The following CCDC88A variants were observed in gnomAD, a reference collection of about 807,000 sequenced individuals.
CCDC88A encodes girdin.
In CCDC88A, 54 loss-of-function variants were observed where a neutral mutation model predicts 234.3. The observed-to-expected ratio is 0.23, with a 90% CI of 0.19 to 0.29. CCDC88A has a LOEUF of 0.29. CCDC88A is among the 10% of genes least tolerant of loss of function. The pLI is 1.00. For missense variants in CCDC88A, 1,832 were observed against 2,123.4 expected (o/e 0.86, Z 2.70); for synonymous variants, 753 against 737.8 (o/e 1.02, Z -0.33).
Position 55,372,447 on chromosome 2 carries a change from C to A in CCDC88A, c.402+5G>T. On this transcript the variant is annotated splice_donor_5th_base_variant and intron_variant, in intron 5 of 32. Transcript: ENST00000436346. ...ATGAAAATATGAAAAAATATTTTAA[C>A]TTACCTGAACTGCACAACCCAATAA... 7.0e-7 allele frequency: 1 copy of A among 1,419,328 alleles called. No individual in the cohort carries two copies. The highest frequency in any genetic ancestry group is 1.3e-5 in the South Asian group (1 of 77,258). The allele number at this position is 1,419,328 out of a possible 1,614,324, so 87.9% of individuals were successfully genotyped here.
chr2:55,373,574 T>C (rs1166552040), intron 4 of CCDC88A, among the ~76,000 whole-genome samples: 1 of 152,220 alleles, frequency 6.6e-6, no homozygotes, highest in Non-Finnish European at 1.5e-5. Flanking sequence ...ATAATCTGTG[T>C]ATCCTTCACC....
chr2:55,394,722 T>C lies in CCDC88A; in HGVS notation c.165-5836A>G, dbSNP rs1677224404. On this transcript the variant is annotated intron_variant, in intron 2 of 32. Coordinates refer to ENST00000436346, the MANE Select transcript of CCDC88A (RefSeq NM_001365480.1). ...TACCTAATGCTAAATGATGAGTTAA[T>C]GGGTGCAGCACACCAACATGGCACA... 2.0e-5 allele frequency: 3 copies of C among 148,610 alleles called. No homozygotes were observed. In the East Asian group the frequency reaches 6.1e-4, roughly 30 times the overall value. 9.2% of individuals were successfully genotyped at this position (148,610 alleles called of 1,614,324 possible).
chr2:55,300,185 G>C, intron 28 of CCDC88A: 1 of 370,142 alleles, frequency 2.7e-6, no homozygotes. Context: ...TATGCCAGGA[G>C]TGTTTTAGTT....
intron 8 of CCDC88A, among the ~76,000 whole-genome samples, chr2:55,352,404 G>A (rs1258470851): frequency 6.7e-6 from 1 of 149,584 alleles, no homozygotes; most frequent in Non-Finnish European, 1.5e-5. Context: ...TCCAGCCTGG[G>A]CAACAGAGTG....
chr2:55,409,269 T>C (rs1264541209), intron 2 of CCDC88A, among the ~76,000 whole-genome samples: 2 of 152,226 alleles, frequency 1.3e-5, no homozygotes, highest in African/African-American at 4.8e-5. Context: ...CATGCTATTT[T>C]CTTTGCTTAA....
intron 2 of CCDC88A, among the ~76,000 whole-genome samples, chr2:55,389,640 T>A (rs1421244134): frequency 6.6e-6 from 1 of 152,226 alleles, no homozygotes; most frequent in Non-Finnish European, 1.5e-5. Context: ...TTTATTTCCA[T>A]AATTCTCAAA....
intron 4 of CCDC88A, among the ~76,000 whole-genome samples, chr2:55,373,722 T>C (rs1673185924): frequency 6.6e-6 from 1 of 151,298 alleles, no homozygotes; most frequent in African/African-American, 2.5e-5. Context: ...TAAATTTATA[T>C]AATCAAACAT....
At chr2:55,306,395 A>C (rs1018325621) in intron 25 of CCDC88A, among the ~76,000 whole-genome samples, 1 of 152,072 alleles carries the variant, frequency 6.6e-6, no homozygotes, top group African/African-American at 2.4e-5. Context: ...GGTAACAATA[A>C]TTTTATGTGG....
intron 29 of CCDC88A, 95 bp from the exon 30 acceptor site, chr2:55,296,618 G>T: frequency 1.7e-6 from 2 of 1,179,110 alleles, no homozygotes; most frequent in Non-Finnish European, 2.4e-6. Context: ...CTAATTATAT[G>T]AACAGCCAAA....
Position 55,408,959 on chromosome 2 carries a change from T to C in CCDC88A, c.164+9857A>G, listed in dbSNP as rs570818509. ...AGCTAAGAATCTGTAGTATGTTTTTTCTCTCATCCCACGTCTGTTTATTCA... is the reference window on the plus strand; with the variant it reads ...AGCTAAGAATCTGTAGTATGTTTTTCCTCTCATCCCACGTCTGTTTATTCA... On this transcript the variant is annotated intron_variant, in intron 2 of 32. Coordinates refer to ENST00000436346, the MANE Select transcript of CCDC88A (RefSeq NM_001365480.1). 3.3e-5 allele frequency among the ~76,000 whole-genome samples: 5 copies of C among 151,652 alleles called. No individual in the cohort carries two copies. The South Asian group carries it at 1.0e-3, about 31-fold the overall frequency.
intron 2 of CCDC88A, among the ~76,000 whole-genome samples, chr2:55,406,345 T>G (rs1679570681): frequency 6.6e-6 from 1 of 152,182 alleles, no homozygotes; most frequent in Non-Finnish European, 1.5e-5. Flanking sequence ...GGGATATTAC[T>G]ATAATTCACC....
At chr2:55,377,841 C>T (rs918403099) in intron 3 of CCDC88A, among the ~76,000 whole-genome samples, 4 of 151,540 alleles carry the variant, frequency 2.6e-5, no homozygotes, top group South Asian at 2.1e-4. Context: ...CTCCTGACAT[C>T]GTGATCCGCC....
In CCDC88A at chr2:55,290,452, A is replaced by T. The variant is rs751784431; in HGVS notation, c.*748T>A. 3 of 152,102 alleles carry T rather than the reference A, an allele frequency of 2.0e-5. No homozygotes were observed. The highest frequency in any genetic ancestry group is 2.9e-5 in the Non-Finnish European group (2 of 67,950). The allele number at this position is 152,102 out of a possible 1,614,324, so 9.4% of individuals were successfully genotyped here. On this transcript the variant is annotated 3_prime_UTR_variant, in exon 33 of 33. Transcript: ENST00000436346. ...CTGAAAAACCATCTTACTAAAAAAA[A>T]GTTTCAGAAAAACACTCTTTACCAT...
At chr2:55,295,148 T>G in intron 31 of CCDC88A, 1 of 1,306,844 alleles carries the variant, frequency 7.7e-7, no homozygotes, top group Non-Finnish European at 1.0e-6. Flanking sequence ...GATAGAGGCA[T>G]GCAGAAGTGA....
chr2:55,384,591 A>ATATATACG (rs1558788481), intron 3 of CCDC88A, among the ~76,000 whole-genome samples: 6 of 2,390 alleles, frequency 2.5e-3, no homozygotes, highest in African/African-American at 4.9e-3. Context: ...GTATATATAC[A>ATATATACG]CATATATACG....
intron 27 of CCDC88A, 109 bp downstream of exon 27, chr2:55,301,763 T>C (rs1221923733): frequency 4.6e-6 from 4 of 878,186 alleles, no homozygotes; most frequent in Non-Finnish European, 7.4e-6. Flanking sequence ...GATCATGTTT[T>C]GATAATTATT....
intron 5 of CCDC88A, among the ~76,000 whole-genome samples, chr2:55,367,870 C>CA (rs779136443): frequency 1.3e-4 from 20 of 152,088 alleles, no homozygotes; most frequent in Non-Finnish European, 2.2e-4. Flanking sequence ...ACTTGACACT[C>CA]AGTTACTTTC....
intron 15 of CCDC88A, among the ~76,000 whole-genome samples, chr2:55,333,145 CTTG>C (rs1685117947): frequency 1.3e-5 from 2 of 152,144 alleles, no homozygotes; most frequent in African/African-American, 4.8e-5. Flanking sequence ...GCACAAGGAA[CTTG>C]TTGTTCATGT....
At chr2:55,313,243 T>G (rs1379053931) in intron 22 of CCDC88A, 1 of 152,198 alleles carries the variant, frequency 6.6e-6, no homozygotes, top group African/African-American at 2.4e-5. Flanking sequence ...TAGTTTTGTA[T>G]TTTTAGTAAA....
Sources: gnomAD v4.1 joint callset for allele counts (sites outside exome capture counted in the v4.1 genomes callset) on GRCh38, gnomAD v4.1.1 for gene constraint, MANE v1.5 for transcripts, NCBI Gene and HGNC (gene_info 2026-07-23, HGNC 2026-07-21) for gene names.